Variants in DTNB observed in about 807,000 individuals in gnomAD.
DTNB encodes the protein DTN-B.
DTNB carries 63 observed loss-of-function variants against 90.7 expected under a neutral mutation model. The observed-to-expected ratio is 0.69, with a 90% CI of 0.57 to 0.86. The LOEUF is 0.86. Among genes scored for constraint, DTNB ranks in the 40% least tolerant of loss-of-function variants. The probability of loss-of-function intolerance (pLI) is 0.00; values close to 1 mark genes in which losing one functional copy is unlikely to be tolerated. For missense variants in DTNB, 744 were observed against 807.1 expected, an observed-to-expected ratio of 0.92 and a Z score of 0.95; for synonymous variants, 277 against 286.7, an observed-to-expected ratio of 0.97 and a Z score of 0.34.
chr2:25,384,375 G>C (rs749423269), intron 18 of DTNB, among the ~76,000 whole-genome samples: 17 of 152,336 alleles, frequency 1.1e-4, no homozygotes, highest in Middle Eastern at 3.4e-3. Flanking sequence ...GGCTATGTGG[G>C]AAGTGCTAAT....
chr2:25,636,844 A>C (rs2077226116), intron 3 of DTNB, among the ~76,000 whole-genome samples: 1 of 152,004 alleles, frequency 6.6e-6, no homozygotes, highest in Admixed American at 6.6e-5. Context: ...ACAATGTAAA[A>C]AATAATGCTT....
At chr2:25,617,386 A>G (rs934870658) in intron 4 of DTNB, among the ~76,000 whole-genome samples, 2 of 152,180 alleles carry the variant, frequency 1.3e-5, no homozygotes, top group African/African-American at 4.8e-5. Flanking sequence ...TTAAGAATAC[A>G]TTCATAAGTT....
chr2:25,501,290 C>A (rs923596299), intron 9 of DTNB, among the ~76,000 whole-genome samples: 8 of 152,134 alleles, frequency 5.3e-5, no homozygotes, highest in African/African-American at 1.9e-4. Flanking sequence ...ATAGCTGCCA[C>A]TGCAACCTCG....
intron 6 of DTNB, among the ~76,000 whole-genome samples, chr2:25,592,846 T>G (rs1031633343): frequency 1.3e-5 from 2 of 152,188 alleles, no homozygotes; most frequent in Admixed American, 6.5e-5. Context: ...AACGAAATAA[T>G]CAGCCAAACT....
Position 25,432,869 on chromosome 2 carries a change from A to T in DTNB, c.1457+17T>A. 6.3e-7 allele frequency: 1 copy of T among 1,579,982 alleles called. No homozygotes were observed. On this transcript the variant is annotated intron_variant, in intron 14 of 20. Coordinates refer to ENST00000406818, the MANE Select transcript of DTNB (RefSeq NM_021907.5). ...TAGTAGATTACATGTGGCAAGTGGT[A>T]GAGTGTCCCTACTCACCTCAGCAGC... is the stretch of plus-strand genomic sequence containing the variant.
intron 12 of DTNB, 36 bp from the exon 13 acceptor site, chr2:25,434,031 TCTGA>T (rs751510115): frequency 3.2e-6 from 5 of 1,578,054 alleles, no homozygotes; most frequent in East Asian, 2.2e-5. Flanking sequence ...TTTTTTTTTT[TCTGA>T]TCCAAATATA....
chr2:25,468,634 AG>A (rs1172122431), intron 10 of DTNB, among the ~76,000 whole-genome samples: 1 of 152,234 alleles, frequency 6.6e-6, no homozygotes, highest in African/African-American at 2.4e-5. Flanking sequence ...AAGTTAAATC[AG>A]GGTCAAGTGC....
At chr2:25,601,125 C>T (rs958665507) in intron 5 of DTNB, among the ~76,000 whole-genome samples, 4 of 151,832 alleles carry the variant, frequency 2.6e-5, no homozygotes, top group South Asian at 2.1e-4. Context: ...AACAATCAAC[C>T]TAAGTTATTG....
intron 3 of DTNB, among the ~76,000 whole-genome samples, chr2:25,634,918 G>A (rs528645245): frequency 1.7e-5 from 2 of 118,266 alleles, no homozygotes; most frequent in Non-Finnish European, 3.9e-5. Context: ...CACAAACACT[G>A]CGGAAGGCCG....
At chr2:25,501,096 G>A (rs796994103) in intron 9 of DTNB, among the ~76,000 whole-genome samples, 17 of 152,172 alleles carry the variant, frequency 1.1e-4, no homozygotes, top group African/African-American at 4.1e-4. Flanking sequence ...CCAATTAGAG[G>A]CTTTAAAAAT....
intron 8 of DTNB, among the ~76,000 whole-genome samples, chr2:25,563,783 G>C (rs1324907881): frequency 5.3e-5 from 8 of 152,170 alleles, no homozygotes; most frequent in African/African-American, 1.9e-4. Flanking sequence ...TTTATTTCTG[G>C]AGTCTCAATT....
intron 9 of DTNB, among the ~76,000 whole-genome samples, chr2:25,502,690 T>C (rs534500455): frequency 1.4e-4 from 22 of 151,870 alleles, no homozygotes; most frequent in South Asian, 8.3e-4. Flanking sequence ...GAGACCATCC[T>C]GGCTAACACG....
At chr2:25,619,430 C>T (rs1351615933) in intron 4 of DTNB, among the ~76,000 whole-genome samples, 2 of 152,198 alleles carry the variant, frequency 1.3e-5, no homozygotes, top group African/African-American at 4.8e-5. Context: ...ATCCATTTGG[C>T]AAATGTCAAA....
At chr2:25,634,322 C>T (rs12992284) in intron 3 of DTNB, among the ~76,000 whole-genome samples, 30 of 126,248 alleles carry the variant, frequency 2.4e-4, no homozygotes, top group African/African-American at 8.1e-4. Context: ...CCGCCCCGTC[C>T]GGGAGGGAGG....
chr2:25,500,884 A>G (rs1388581197), intron 9 of DTNB, among the ~76,000 whole-genome samples: 1 of 152,266 alleles, frequency 6.6e-6, no homozygotes, highest in Non-Finnish European at 1.5e-5. Context: ...GTGGTGAGCA[A>G]GGGCTGCTTC....
At chr2:25,531,221 C>T (rs2150913223) in intron 9 of DTNB, among the ~76,000 whole-genome samples, 1 of 152,318 alleles carries the variant, frequency 6.6e-6, no homozygotes, top group Middle Eastern at 3.4e-3. Flanking sequence ...ACAATAATGG[C>T]TCTTCAATGG....
chr2:25,441,626 T>C (rs2057413982), intron 12 of DTNB, among the ~76,000 whole-genome samples: 1 of 152,206 alleles, frequency 6.6e-6, no homozygotes, highest in Non-Finnish European at 1.5e-5. Flanking sequence ...TTCATGGAGC[T>C]CTCATGCCAT....
chr2:25,642,036 G>C (rs1279835894), intron 2 of DTNB, among the ~76,000 whole-genome samples: 2 of 152,280 alleles, frequency 1.3e-5, no homozygotes, highest in African/African-American at 4.8e-5. Flanking sequence ...TAGCCAGGAT[G>C]ATCTCGATCT....
chr2:25,616,960 A>AAAAAC (rs2070881081), intron 4 of DTNB, among the ~76,000 whole-genome samples: 1 of 150,780 alleles, frequency 6.6e-6, no homozygotes, highest in Admixed American at 6.6e-5. Flanking sequence ...AAAGGAAAAA[A>AAAAAC]AAGACTCATT....
Sources: allele counts gnomAD v4.1 joint callset (sites outside exome capture counted in the v4.1 genomes callset), GRCh38; gene constraint gnomAD v4.1.1; transcripts MANE v1.5; gene names NCBI Gene and HGNC (gene_info 2026-07-23, HGNC 2026-07-21).